The following CIMAP1B variants were observed in gnomAD, a reference collection of about 807,000 sequenced individuals.
CIMAP1B encodes the protein orf2 5' to PD-ECGF/TP.
At chr22:50,530,838 G>T in the CIMAP1B span, 1 of 1,603,734 alleles carries the variant, frequency 6.2e-7, no homozygotes, top group Non-Finnish European at 8.5e-7. Context: ...CCTGATAGGC[G>T]CAGGGGCCCG....
At chr22:50,532,184 G>T in the CIMAP1B span, 2 of 1,280,590 alleles carry the variant, frequency 1.6e-6, no homozygotes, top group Non-Finnish European at 2.0e-6. Context: ...CACTACCCTG[G>T]GATCAGCGCG....
chr22:50,531,955 C>T, the CIMAP1B span: 1 of 1,325,300 alleles, frequency 7.5e-7, no homozygotes, highest in South Asian at 2.0e-5. Context: ...AATCCCGGGG[C>T]CTGCCCCTTC....
At chr22:50,531,723 C>A in the CIMAP1B span, 1 of 1,365,200 alleles carries the variant, frequency 7.3e-7, no homozygotes, top group Non-Finnish European at 9.4e-7. Context: ...AAGCGCGCGC[C>A]GAAGGTGAAG....
the CIMAP1B span, chr22:50,530,860 AG>A: frequency 6.2e-7 from 1 of 1,604,746 alleles, no homozygotes; most frequent in Non-Finnish European, 8.5e-7. Flanking sequence ...GGTCTGCGAG[AG>A]GGCAGAGGGT....
chr22:50,531,077 T>A, the CIMAP1B span: 2 of 1,602,642 alleles, frequency 1.2e-6, no homozygotes, highest in African/African-American at 2.7e-5. Context: ...GAGGCAGGGC[T>A]CGGGGGTAGT....
the CIMAP1B span, chr22:50,532,138 C>T: frequency 7.6e-7 from 1 of 1,321,654 alleles, no homozygotes; most frequent in Admixed American, 4.1e-5. Flanking sequence ...GTGGCCGCGG[C>T]CCCTGCACCG....
the CIMAP1B span, chr22:50,530,483 G>A: frequency 1.3e-6 from 2 of 1,596,360 alleles, no homozygotes; most frequent in African/African-American, 2.7e-5. Context: ...TGGCGGGTCA[G>A]TTGTCCGCGT....
At chr22:50,530,456 G>A in the CIMAP1B span, 1 of 1,576,292 alleles carries the variant, frequency 6.3e-7, no homozygotes. Context: ...GCAAACACGT[G>A]TGGGGCCGCT....
the CIMAP1B span, chr22:50,530,852 T>C: frequency 6.2e-7 from 1 of 1,601,742 alleles, no homozygotes; most frequent in Non-Finnish European, 8.5e-7. Context: ...GGGCCCGGGG[T>C]CTGCGAGAGG....
chr22:50,532,281 A>G, the CIMAP1B span: 2 of 697,930 alleles, frequency 2.9e-6, no homozygotes, highest in Non-Finnish European at 4.0e-6. Context: ...TGGGGCCGGG[A>G]GCGGATCCAG....
the CIMAP1B span, chr22:50,530,883 C>T: frequency 1.2e-6 from 2 of 1,607,096 alleles, no homozygotes; most frequent in Non-Finnish European, 1.7e-6. Context: ...CTGGCTGCCG[C>T]CTCCACTGCC....
the CIMAP1B span, chr22:50,531,250 G>C: frequency 6.2e-7 from 1 of 1,611,772 alleles, no homozygotes; most frequent in Non-Finnish European, 8.5e-7. Flanking sequence ...GTGCCGAGGC[G>C]CACTGGGGTA....
the CIMAP1B span, chr22:50,532,041 G>A: frequency 7.4e-7 from 1 of 1,346,308 alleles, no homozygotes; most frequent in Non-Finnish European, 9.6e-7. Context: ...CGGGGCCGGT[G>A]TGGCCGCCAA....
the CIMAP1B span, chr22:50,530,857 G>T: frequency 6.2e-7 from 1 of 1,604,878 alleles, no homozygotes; most frequent in Non-Finnish European, 8.5e-7. Flanking sequence ...CGGGGTCTGC[G>T]AGAGGGCAGA....
chr22:50,532,054 G>A, the CIMAP1B span: 20 of 1,348,622 alleles, frequency 1.5e-5, no homozygotes, highest in Non-Finnish European at 1.9e-5. Context: ...GCCGCCAAAG[G>A]CCCACCCAGG....
At chr22:50,530,470 G>C in the CIMAP1B span, 2 of 1,589,216 alleles carry the variant, frequency 1.3e-6, no homozygotes, top group South Asian at 2.3e-5. Context: ...GGCCGCTCCC[G>C]CCTGGCGGGT....
the CIMAP1B span, chr22:50,532,115 C>T: frequency 7.5e-7 from 1 of 1,339,380 alleles, no homozygotes; most frequent in Non-Finnish European, 9.6e-7. Flanking sequence ...GCAGCACCTG[C>T]GGACAGAAGG....
chr22:50,530,494 C>G, the CIMAP1B span: 43 of 1,599,124 alleles, frequency 2.7e-5, 1 homozygote, highest in African/African-American at 4.9e-4. Flanking sequence ...TTGTCCGCGT[C>G]GGTCACCAGC....
the CIMAP1B span, chr22:50,531,976 G>T: frequency 7.4e-7 from 1 of 1,344,466 alleles, no homozygotes; most frequent in Non-Finnish European, 9.6e-7. Flanking sequence ...TACCGGTGTT[G>T]GGCGGCAGCT....
Sources: gnomAD v4.1 joint callset for allele counts on GRCh38, gnomAD v4.1.1 for gene constraint, MANE v1.5 for transcripts, NCBI Gene and HGNC (gene_info 2026-07-23, HGNC 2026-07-21) for gene names.